Variants in MYO6 observed in about 807,000 individuals in gnomAD.
MYO6 encodes the protein myosin VI.
Under a neutral mutation model 178.7 loss-of-function variants are expected in MYO6, and 74 were observed. The ratio of observed to expected loss-of-function variants is 0.41; its 90% CI spans 0.34 to 0.50. The LOEUF (loss-of-function observed/expected upper bound fraction) is 0.50, where lower values mean the gene tolerates loss of function less well. MYO6 is among the 20% of genes least tolerant of loss of function. The pLI, the probability that MYO6 is intolerant of heterozygous loss-of-function variation, is 0.09. For missense variants in MYO6, 1,330 were observed against 1,547.4 expected (o/e 0.86, Z 2.36); for synonymous variants, 477 against 504.6 (o/e 0.95, Z 0.73).
chr6:75,907,786 G>GTGTGTGTA, intron 31 of MYO6, 78 bp downstream of exon 31: 2 of 841,690 alleles, frequency 2.4e-6, no homozygotes, highest in Non-Finnish European at 3.9e-6. Flanking sequence ...GGTGAGGTGT[G>GTGTGTGTA]TGTGTGTATG....
In MYO6 at chr6:75,890,251, G is replaced by A. The variant is rs749408556; in HGVS notation, c.2853G>A (p.Glu951=). The change falls in exon 26 of 35, where the codon GAG becomes GAA. Residue 951 remains glutamate, a synonymous_variant. Coordinates refer to ENST00000369977, the MANE Select transcript of MYO6 (RefSeq NM_004999.4). The part of the protein sequence containing the change: ...EEDEKRRRKE[E]EERRMKLEME... ...ACGAAAAACGTCGAAGAAAGGAAGAGGAGGAAAGGCGGATGTGAGGCATTT... is the reference window on the plus strand; with the variant it reads ...ACGAAAAACGTCGAAGAAAGGAAGAAGAGGAAAGGCGGATGTGAGGCATTT... 8 of 1,613,666 alleles carry A rather than the reference G, an allele frequency of 5.0e-6. No homozygotes were observed. The South Asian group carries it at 6.6e-5, about 13-fold the overall frequency.
At chr6:75,762,906 A>T (rs1428844596) in intron 1 of MYO6, among the ~76,000 whole-genome samples, 1 of 151,840 alleles carries the variant, frequency 6.6e-6, no homozygotes, top group African/African-American at 2.4e-5. Flanking sequence ...TTTTTTGTAG[A>T]GATAGGGGTC....
chr6:75,875,375 A>G (rs1398841142), intron 20 of MYO6, among the ~76,000 whole-genome samples: 4 of 152,150 alleles, frequency 2.6e-5, no homozygotes, highest in Non-Finnish European at 4.4e-5. Flanking sequence ...CCCAGGCTCA[A>G]GTGATCCTTC....
At chr6:75,897,440 C>T (rs915801324) in intron 29 of MYO6, among the ~76,000 whole-genome samples, 1 of 152,114 alleles carries the variant, frequency 6.6e-6, no homozygotes, top group African/African-American at 2.4e-5. Context: ...TTTCATAGAC[C>T]TCCATCCATA....
intron 1 of MYO6, among the ~76,000 whole-genome samples, chr6:75,811,086 G>A (rs1305338174): frequency 6.6e-6 from 1 of 151,852 alleles, no homozygotes; most frequent in East Asian, 1.9e-4. Context: ...CCAGAGAACA[G>A]GTTCTAGACT....
intron 1 of MYO6, among the ~76,000 whole-genome samples, chr6:75,772,315 A>G (rs1765972271): frequency 6.6e-6 from 1 of 152,112 alleles, no homozygotes; most frequent in South Asian, 2.1e-4. Flanking sequence ...GTGAGTATAC[A>G]CACTCATACA....
At chr6:75,834,793 TTTG>T (rs1424016600) in intron 6 of MYO6, among the ~76,000 whole-genome samples, 2 of 152,126 alleles carry the variant, frequency 1.3e-5, no homozygotes, top group Non-Finnish European at 2.9e-5. Context: ...AATTGAAGAG[TTTG>T]TTAACAGCTG....
chr6:75,904,547 C>T (rs1485014255), intron 30 of MYO6, among the ~76,000 whole-genome samples: 3 of 152,196 alleles, frequency 2.0e-5, no homozygotes, highest in South Asian at 2.1e-4. Context: ...GCATTCTTCA[C>T]GTAGTTCTTG....
rs754374689 is a variant in MYO6, at chr6:75,880,076, G to A, written c.2242G>A (p.Asp748Asn). ...LFKALGLNEN[D>N]YKFGLTKVFF... ...TAAAGCTTTGGGCTTAAATGAAAAT[G>A]ACTACAAGTTTGGGTTAACCAAAGT... The change falls in exon 22 of 35, where the codon GAC becomes AAC. Residue 748 changes from aspartate (D) to asparagine (N), a missense_variant. Physicochemically the swap from Asp to Asn is conservative, Grantham distance 23. Transcript: ENST00000369977. 15 of 1,612,082 alleles carry A rather than the reference G, an allele frequency of 9.3e-6. No homozygotes were observed. The highest frequency in any genetic ancestry group is 1.3e-5 in the Non-Finnish European group (15 of 1,179,764).
chr6:75,831,517 A>T (rs552408255), intron 5 of MYO6, among the ~76,000 whole-genome samples: 29 of 152,338 alleles, frequency 1.9e-4, no homozygotes, highest in Admixed American at 7.8e-4. Flanking sequence ...ACATCACTGG[A>T]GAAAAGTTAC....
chr6:75,904,479 C>G (rs1780102353), intron 30 of MYO6, among the ~76,000 whole-genome samples: 1 of 152,006 alleles, frequency 6.6e-6, no homozygotes, highest in South Asian at 2.1e-4. Context: ...TCATTCATTT[C>G]ATCTTCCATC....
At chr6:75,887,500 G>T (rs1468377179) in intron 25 of MYO6, among the ~76,000 whole-genome samples, 4 of 151,486 alleles carry the variant, frequency 2.6e-5, no homozygotes, top group Non-Finnish European at 5.9e-5. Context: ...AACTAGCTGG[G>T]TGTGGTGGCG....
At position 75,886,954 on chromosome 6, in the gene MYO6, A is replaced by C; in HGVS notation, c.2618A>C (p.Asn873Thr). ...CCCGAGATGAATAAACAGATCAAGAATCTGGAAATTTCTATTGATACTTTG... is the reference window on the plus strand; with the variant it reads ...CCCGAGATGAATAAACAGATCAAGACTCTGGAAATTTCTATTGATACTTTG... ...GKPEMNKQIK[N>T]LEISIDTLMA... The change falls in exon 25 of 35, where the codon AAT (asparagine) becomes ACT (threonine). Residue 873 changes from asparagine (N) to threonine (T), a missense_variant. Physicochemically the swap from Asn to Thr is moderately conservative, Grantham distance 65. Around this residue, in one of 3 missense-constraint regions of MYO6, gnomAD observed 601 missense variants for 626.1 expected, o/e 0.96. Coordinates refer to ENST00000369977, the MANE Select transcript of MYO6 (RefSeq NM_004999.4). The C allele has an allele frequency of 6.2e-7, 1 of 1,613,802 alleles. No homozygotes were observed. The highest frequency in any genetic ancestry group is 1.1e-5 in the South Asian group (1 of 91,068).
chr6:75,839,051 A>G (rs1053809812), intron 7 of MYO6, among the ~76,000 whole-genome samples: 4 of 152,062 alleles, frequency 2.6e-5, no homozygotes, highest in Admixed American at 2.0e-4. Context: ...TTATTTTGGC[A>G]TGTGAAATGG....
intron 1 of MYO6, among the ~76,000 whole-genome samples, chr6:75,769,763 G>A (rs1046413664): frequency 6.6e-6 from 1 of 152,324 alleles, no homozygotes; most frequent in South Asian, 2.1e-4. Context: ...AGCTGGGCAT[G>A]GTGGCACATG....
At chr6:75,857,710 T>C (rs1181384285) in intron 13 of MYO6, among the ~76,000 whole-genome samples, 1 of 152,242 alleles carries the variant, frequency 6.6e-6, no homozygotes, top group Non-Finnish European at 1.5e-5. Context: ...TCATTGCTGT[T>C]GCTGTCAGCA....
chr6:75,872,883 G>C (rs1042183422), intron 19 of MYO6, among the ~76,000 whole-genome samples: 3 of 151,760 alleles, frequency 2.0e-5, no homozygotes, highest in African/African-American at 7.3e-5. Flanking sequence ...GGGTTCAAGT[G>C]GTTCTCCTGC....
chr6:75,802,340 G>A (rs143488252), intron 1 of MYO6, among the ~76,000 whole-genome samples: 2,726 of 151,916 alleles, frequency 0.018, 70 homozygotes, highest in African/African-American at 0.059. Context: ...GTGGTAGCGC[G>A]TGCCTGTAAT....
intron 1 of MYO6, among the ~76,000 whole-genome samples, chr6:75,777,978 A>G (rs553044158): frequency 3.9e-5 from 6 of 152,284 alleles, no homozygotes; most frequent in Admixed American, 1.3e-4. Flanking sequence ...ATTACTTATA[A>G]TGGCCAAGGT....
Sources: gnomAD v4.1 joint callset for allele counts (sites outside exome capture counted in the v4.1 genomes callset) on GRCh38, gnomAD v4.1.1 for gene constraint, gnomAD v4.1.1 regional missense constraint, MANE v1.5 for transcripts, NCBI Gene and HGNC (gene_info 2026-07-23, HGNC 2026-07-21) for gene names.